Variants in CFAP299 observed in about 807,000 individuals in gnomAD.
CFAP299 encodes cilia and flagella associated protein 299, also known as cilia- and flagella-associated protein 299.
A neutral mutation model predicts 27.0 loss-of-function variants in CFAP299; 21 were observed. That is an observed-to-expected ratio of 0.78 (90% CI 0.55 to 1.12). CFAP299 has a LOEUF of 1.12. Ranked by LOEUF, CFAP299 falls within the 50% of genes most tolerant of loss-of-function variation. CFAP299 has a pLI of 0.00. For missense variants in CFAP299, 310 were observed against 276.6 expected (o/e 1.12, Z -0.86); for synonymous variants, 104 against 98.1 (o/e 1.06, Z -0.36).
At chr4:80,530,538 C>T (rs1733413365) in intron 2 of CFAP299, among the ~76,000 whole-genome samples, 2 of 151,998 alleles carry the variant, frequency 1.3e-5, no homozygotes, top group South Asian at 4.1e-4. Context: ...TTGAGTATCT[C>T]CTATGTAACA....
intron 3 of CFAP299, among the ~76,000 whole-genome samples, chr4:80,716,341 G>T (rs1351886240): frequency 1.3e-5 from 2 of 151,208 alleles, no homozygotes; most frequent in Non-Finnish European, 3.0e-5. Context: ...TCTATTGCCT[G>T]ATAGCAAGTG....
chr4:80,962,760 A>G (rs1293348241), intron 5 of CFAP299, among the ~76,000 whole-genome samples: 1 of 151,938 alleles, frequency 6.6e-6, no homozygotes, highest in Non-Finnish European at 1.5e-5. Context: ...AGCAAATAAT[A>G]TCATTCTTTT....
chr4:80,517,352 G>A (rs1330618363), intron 2 of CFAP299, among the ~76,000 whole-genome samples: 2 of 152,136 alleles, frequency 1.3e-5, no homozygotes, highest in African/African-American at 4.8e-5. Context: ...AGAAATAGAG[G>A]TAGGTCCATG....
rs76562370 is a variant in CFAP299 at position 80,732,070 on chromosome 4, GACACACAC to G, written c.334-137901_334-137894del. 3.1e-3 allele frequency among the ~76,000 whole-genome samples: 345 copies of G among 110,512 alleles called. 2 individuals are homozygous for G. Among genetic ancestry groups the G allele is most frequent in the East Asian group, 2.0e-3 (5 of 2,514 alleles). The allele number at this position is 110,512 out of a possible 152,430, so 72.5% of individuals were successfully genotyped here. A position where few individuals can be genotyped will look rare whatever the true frequency, so the allele number is the denominator to read the frequency against. The stretch of plus-strand genomic sequence containing the variant: ...TCATACACAGACACACAGACACACA[GACACACAC>G]ACACACACACACACACACACAGTGT... On this transcript the variant is annotated intron_variant, in intron 3 of 5. Coordinates refer to ENST00000358105, the MANE Select transcript of CFAP299 (RefSeq NM_152770.3).
chr4:80,376,903 C>A (rs1463387118), intron 2 of CFAP299, among the ~76,000 whole-genome samples: 2 of 152,200 alleles, frequency 1.3e-5, no homozygotes, highest in South Asian at 2.1e-4. Flanking sequence ...GATCCACCCA[C>A]CTCGGCCTCC....
intron 2 of CFAP299, among the ~76,000 whole-genome samples, chr4:80,363,460 A>G (rs1723651547): frequency 6.6e-6 from 1 of 152,236 alleles, no homozygotes; most frequent in African/African-American, 2.4e-5. Context: ...TAACTAGTTG[A>G]CAAATTAATA....
intron 3 of CFAP299, among the ~76,000 whole-genome samples, chr4:80,849,733 G>T (rs1731403311): frequency 6.6e-6 from 1 of 152,054 alleles, no homozygotes; most frequent in African/African-American, 2.4e-5. Flanking sequence ...GAGGGAGGGA[G>T]AAATGGTGAG....
chr4:80,573,270 C>A (rs1259576990), intron 2 of CFAP299, among the ~76,000 whole-genome samples: 2 of 152,036 alleles, frequency 1.3e-5, no homozygotes, highest in Non-Finnish European at 2.9e-5. Flanking sequence ...TGTATATCTT[C>A]TTTTGAGACA....
intron 3 of CFAP299, among the ~76,000 whole-genome samples, chr4:80,860,928 G>A (rs562880755): frequency 3.5e-4 from 53 of 152,178 alleles, no homozygotes; most frequent in Non-Finnish European, 7.2e-4. Context: ...GAGAACCACT[G>A]CTCTCTTCAA....
intron 2 of CFAP299, among the ~76,000 whole-genome samples, chr4:80,576,187 T>TAAAA (rs760438865): frequency 4.9e-5 from 7 of 142,102 alleles, no homozygotes; most frequent in South Asian, 2.2e-4. Flanking sequence ...AGTATAATAA[T>TAAAA]AAAAAAAAAA....
intron 3 of CFAP299, among the ~76,000 whole-genome samples, chr4:80,844,377 A>G (rs1014118250): frequency 6.6e-5 from 10 of 152,296 alleles, no homozygotes; most frequent in African/African-American, 2.2e-4. Context: ...CCAATAGTGT[A>G]AAAGTGTTCC....
At chr4:80,519,072 A>G (rs1453509642) in intron 2 of CFAP299, among the ~76,000 whole-genome samples, 1 of 152,114 alleles carries the variant, frequency 6.6e-6, no homozygotes, top group East Asian at 1.9e-4. Context: ...AATAATAATT[A>G]ATTTTTTCTG....
At chr4:80,635,187 A>G (rs930358082) in intron 3 of CFAP299, among the ~76,000 whole-genome samples, 2 of 152,158 alleles carry the variant, frequency 1.3e-5, no homozygotes, top group African/African-American at 4.8e-5. Context: ...CAGTTTACAG[A>G]AAATTTTCAT....
At chr4:80,347,652 A>T (rs1323821342) in intron 1 of CFAP299, among the ~76,000 whole-genome samples, 2 of 152,150 alleles carry the variant, frequency 1.3e-5, no homozygotes. Context: ...AAATGGAAAA[A>T]CCTTCCATGC....
At chr4:80,819,215 A>C (rs1443531014) in intron 3 of CFAP299, among the ~76,000 whole-genome samples, 3 of 152,098 alleles carry the variant, frequency 2.0e-5, no homozygotes, top group Non-Finnish European at 4.4e-5. Flanking sequence ...TCAGAGCAAC[A>C]ACAAATTTAG....
At chr4:80,659,204 C>A (rs1462655680) in intron 3 of CFAP299, among the ~76,000 whole-genome samples, 1 of 151,736 alleles carries the variant, frequency 6.6e-6, no homozygotes, top group Non-Finnish European at 1.5e-5. Context: ...ACTATAATAT[C>A]CTATAAGAGT....
chr4:80,453,848 A>AATAATG (rs1298717621), intron 2 of CFAP299, among the ~76,000 whole-genome samples: 1 of 97,210 alleles, frequency 1.0e-5, no homozygotes, highest in African/African-American at 4.3e-5. Context: ...CTCAAATAAT[A>AATAATG]ATAATAATAA....
intron 3 of CFAP299, among the ~76,000 whole-genome samples, chr4:80,797,489 C>T (rs993573346): frequency 3.3e-5 from 5 of 152,188 alleles, no homozygotes; most frequent in African/African-American, 4.8e-5. Context: ...CTACACAAGT[C>T]AGACTATTCT....
chr4:80,562,660 T>A (rs1560625928), intron 2 of CFAP299, among the ~76,000 whole-genome samples: 1 of 89,096 alleles, frequency 1.1e-5, no homozygotes, highest in Non-Finnish European at 2.1e-5. Context: ...TCAATTTCAA[T>A]AATAATAATA....
Sources: allele counts gnomAD v4.1 joint callset (sites outside exome capture counted in the v4.1 genomes callset), GRCh38; gene constraint gnomAD v4.1.1; transcripts MANE v1.5; gene names NCBI Gene and HGNC (gene_info 2026-07-23, HGNC 2026-07-21).